Variants in CALN1 observed in about 807,000 individuals in gnomAD.
The protein encoded by CALN1 is calneuron 1.
In CALN1, 17 loss-of-function variants were observed where a neutral mutation model predicts 30.6. That is an observed-to-expected ratio of 0.56 (90% confidence interval 0.38 to 0.83). The LOEUF (loss-of-function observed/expected upper bound fraction) is 0.83. Ranked by LOEUF, CALN1 falls within the 40% of genes least tolerant of loss-of-function variation. The pLI is 0.00. For missense variants in CALN1, 291 were observed against 354.9 expected (o/e 0.82, Z 1.45); for synonymous variants, 156 against 131.4 (o/e 1.19, Z -1.28).
chr7:72,326,005 G>A (rs112501050), intron 2 of CALN1, among the ~76,000 whole-genome samples: 31,625 of 152,042 alleles, frequency 0.21, 4,483 homozygotes, highest in East Asian at 0.4. Flanking sequence ...GGGTTCAAGC[G>A]ATTCTCCTGC....
At chr7:72,205,557 T>TATATATATATATATATACAC (rs1791788699) in intron 3 of CALN1, among the ~76,000 whole-genome samples, 18 of 109,870 alleles carry the variant, frequency 1.6e-4, no homozygotes, top group African/African-American at 6.5e-4. Context: ...AAAAAATATA[T>TATATATATATATATATACAC]ATATATATAT....
chr7:72,207,523 C>A (rs117242197), intron 3 of CALN1, among the ~76,000 whole-genome samples: 1 of 152,074 alleles, frequency 6.6e-6, no homozygotes, highest in East Asian at 1.9e-4. Flanking sequence ...GCTCTGTCAC[C>A]GAGGCTGGAG....
chr7:72,396,860 CATCT>C (rs770603335), intron 2 of CALN1, among the ~76,000 whole-genome samples: 14 of 152,146 alleles, frequency 9.2e-5, no homozygotes, highest in Non-Finnish European at 1.5e-4. Context: ...TATATAGGAT[CATCT>C]ATCTGTGTCC....
intron 4 of CALN1, among the ~76,000 whole-genome samples, chr7:72,048,469 C>T (rs1802623731): frequency 6.6e-6 from 1 of 151,958 alleles, no homozygotes; most frequent in Non-Finnish European, 1.5e-5. Context: ...GGACACAGGA[C>T]CTGGGAAGGG....
intron 2 of CALN1, among the ~76,000 whole-genome samples, chr7:72,397,063 A>G (rs895033743): frequency 6.6e-6 from 1 of 151,830 alleles, no homozygotes; most frequent in Non-Finnish European, 1.5e-5. Flanking sequence ...GGCATCCACC[A>G]CCGTGCCTGG....
At chr7:72,194,837 G>T (rs961851871) in intron 3 of CALN1, among the ~76,000 whole-genome samples, 9 of 151,980 alleles carry the variant, frequency 5.9e-5, no homozygotes, top group African/African-American at 2.2e-4. Flanking sequence ...TGATCCATCT[G>T]TCTCGGCCTC....
intron 3 of CALN1, among the ~76,000 whole-genome samples, chr7:72,262,513 C>CT (rs1055113727): frequency 1.3e-5 from 2 of 152,170 alleles, no homozygotes; most frequent in Non-Finnish European, 2.9e-5. Context: ...CCTCTCTCCT[C>CT]TGTTTTGAAG....
intron 1 of CALN1, among the ~76,000 whole-genome samples, chr7:72,435,475 C>T (rs1808124395): frequency 1.3e-5 from 2 of 152,228 alleles, no homozygotes; most frequent in Non-Finnish European, 1.5e-5. Context: ...TTCATCCACG[C>T]CTCCCTCGGC....
intron 5 of CALN1, among the ~76,000 whole-genome samples, chr7:71,975,786 G>A (rs1798072272): frequency 6.6e-6 from 1 of 150,884 alleles, no homozygotes; most frequent in South Asian, 2.1e-4. Context: ...TAACCATGAA[G>A]ACCCATGCCC....
chr7:72,125,098 G>C (rs1000010558), intron 3 of CALN1, among the ~76,000 whole-genome samples: 2 of 152,080 alleles, frequency 1.3e-5, no homozygotes, highest in African/African-American at 4.8e-5. Flanking sequence ...GTGCAACCTT[G>C]GCTCACTGCA....
At chr7:72,325,161 C>G (rs1320860951) in intron 2 of CALN1, among the ~76,000 whole-genome samples, 1 of 151,756 alleles carries the variant, frequency 6.6e-6, no homozygotes, top group Non-Finnish European at 1.5e-5. Flanking sequence ...AGTAGCTGAG[C>G]TTGGTGGCAA....
intron 2 of CALN1, among the ~76,000 whole-genome samples, chr7:72,371,678 T>A (rs1034727584): frequency 6.6e-6 from 1 of 152,226 alleles, no homozygotes; most frequent in Non-Finnish European, 1.5e-5. Flanking sequence ...CATGTATGTA[T>A]GCATGTATGT....
intron 3 of CALN1, among the ~76,000 whole-genome samples, chr7:72,250,642 C>T (rs940828050): frequency 2.0e-5 from 3 of 152,128 alleles, no homozygotes; most frequent in Admixed American, 2.0e-4. Context: ...GCCCTCCCTG[C>T]AGTAATGAGT....
chr7:71,806,854 G>C (rs955811476), intron 6 of CALN1, among the ~76,000 whole-genome samples: 3 of 152,126 alleles, frequency 2.0e-5, no homozygotes, highest in Admixed American at 2.0e-4. Flanking sequence ...ACACTCCTCA[G>C]GGAATGGATT....
At chr7:72,138,186 T>C (rs1809637796) in intron 3 of CALN1, among the ~76,000 whole-genome samples, 1 of 152,082 alleles carries the variant, frequency 6.6e-6, no homozygotes, top group African/African-American at 2.4e-5. Flanking sequence ...TGTCAAAACA[T>C]GTGCCTAAGG....
chr7:71,833,560 G>A (rs2116435086), intron 5 of CALN1, among the ~76,000 whole-genome samples: 1 of 143,484 alleles, frequency 7.0e-6, no homozygotes, highest in East Asian at 2.0e-4. Context: ...GGAAAATACA[G>A]GATATAACAT....
intron 4 of CALN1, among the ~76,000 whole-genome samples, chr7:72,090,985 A>G (rs1805820800): frequency 6.6e-6 from 1 of 152,100 alleles, no homozygotes; most frequent in Non-Finnish European, 1.5e-5. Flanking sequence ...AGTTATTGAG[A>G]AGGAATGAGA....
chr7:72,063,355 A>G (rs771475749), intron 4 of CALN1, among the ~76,000 whole-genome samples: 8 of 152,246 alleles, frequency 5.3e-5, no homozygotes, highest in Non-Finnish European at 1.2e-4. Flanking sequence ...TCAAAATGGT[A>G]TGACATGCAA....
At chr7:71,826,773 C>T (rs1317006455) in intron 5 of CALN1, among the ~76,000 whole-genome samples, 1 of 152,178 alleles carries the variant, frequency 6.6e-6, no homozygotes, top group Non-Finnish European at 1.5e-5. Context: ...GCCTCCCAGG[C>T]TCCAGCAATC....
Sources: allele counts gnomAD v4.1 joint callset (sites outside exome capture counted in the v4.1 genomes callset), GRCh38; gene constraint gnomAD v4.1.1; transcripts MANE v1.5; gene names NCBI Gene and HGNC (gene_info 2026-07-23, HGNC 2026-07-21).